The following PSME4 variants were observed in gnomAD, a reference collection of about 807,000 sequenced individuals.
PSME4 encodes proteasome activator subunit 4, also known as proteasome activator complex subunit 4.
Under a neutral mutation model 253.9 loss-of-function variants are expected in PSME4, and 89 were observed. The ratio of observed to expected loss-of-function variants is 0.35; its 90% CI spans 0.30 to 0.42. The LOEUF is 0.42. Ranked by LOEUF, PSME4 falls within the 10% of genes least tolerant of loss-of-function variation. The probability of loss-of-function intolerance (pLI) is 1.00; values close to 1 mark genes in which losing one functional copy is unlikely to be tolerated. For missense variants in PSME4, 2,014 were observed against 2,195.2 expected (o/e 0.92, Z 1.65); for synonymous variants, 851 against 759.2 (o/e 1.12, Z -1.99).
rs1668245428 is a variant in PSME4 at position 53,920,353 on chromosome 2, A to T, written c.2263-3T>A. On this transcript the variant is annotated splice_polypyrimidine_tract_variant and splice_region_variant and intron_variant, in intron 18 of 46. Transcript: ENST00000404125. ...AAGTCCCCGGGTTTGCCCCAGTCCT[A>T]GAAGAGAACAGCATCTACTCAGCAA... is the stretch of plus-strand genomic sequence containing the variant. 1 of 1,607,338 alleles carries T rather than the reference A, an allele frequency of 6.2e-7. No individual in the cohort carries two copies. The highest frequency in any genetic ancestry group is 8.5e-7 in the Non-Finnish European group (1 of 1,176,800).
intron 9 of PSME4, 37 bp downstream of exon 9, chr2:53,932,621 TATCTTTAAAA>T: frequency 6.8e-7 from 1 of 1,464,174 alleles, no homozygotes; most frequent in Non-Finnish European, 9.6e-7. Flanking sequence ...AGGATGACCA[TATCTTTAAAA>T]ATTCCAAGCC....
chr2:53,912,328 GACATATCTGGGTAGTAT>G (rs1270343477), intron 20 of PSME4, among the ~76,000 whole-genome samples: 4 of 152,074 alleles, frequency 2.6e-5, no homozygotes, highest in Non-Finnish European at 5.9e-5. Context: ...CTATATATAG[GACATATCTGGGTAGTAT>G]ACATTACAGC....
chr2:53,875,902 C>G (rs1679093106), intron 41 of PSME4, 147 bp from the exon 42 acceptor site: 2 of 646,008 alleles, frequency 3.1e-6, no homozygotes. Flanking sequence ...ATAATGAACC[C>G]CCATGAGCCA....
At position 53,890,123 on chromosome 2, in the gene PSME4, G is replaced by C. The variant is rs771064727; in HGVS notation, c.4277C>G (p.Ala1426Gly). 5.6e-6 allele frequency: 9 copies of C among 1,613,072 alleles called. No individual in the cohort carries two copies. Among genetic ancestry groups the C allele is most frequent in the African/African-American group, 1.3e-5 (1 of 74,886 alleles). The stretch of plus-strand genomic sequence containing the variant: ...ACTTACACAGGATGTTGCTATACAA[G>C]CTCCCCAGTCATTATAAGTTTCTAC... The part of the protein sequence containing the change: ...ITVETYNDWG[A>G]CIATSCESRD... The change falls in exon 37 of 47, where the codon GCT (alanine) becomes GGT (glycine). Residue 1426 changes from alanine (A) to glycine (G), a missense_variant. Coordinates refer to ENST00000404125, the MANE Select transcript of PSME4 (RefSeq NM_014614.3).
chr2:53,880,244 C>T (rs1041971413), intron 41 of PSME4, among the ~76,000 whole-genome samples: 2 of 152,028 alleles, frequency 1.3e-5, no homozygotes, highest in Non-Finnish European at 2.9e-5. Context: ...GCACTTGAAG[C>T]CAGGAGTTTG....
chr2:53,949,159 A>G lies in PSME4; in HGVS notation c.367T>C (p.Leu123=), dbSNP rs768478677. The G allele has an allele frequency of 1.2e-5, 19 of 1,601,096 alleles. No homozygotes were observed. In the African/African-American group the frequency reaches 1.9e-4, roughly 16 times the overall value. Residue 123 remains leucine (L), a synonymous_variant, in exon 2 of 47, where the codon TTG becomes CTG. Transcript: ENST00000404125. The stretch of plus-strand genomic sequence containing the variant: ...AAGACTTACTTTAACAAGTTGATCA[A>G]AAGGCGGGCAAATCCCTGCATCATG... The part of the protein sequence containing the change: ...ISMMQGFARL[L]INLLKKKELL...
Position 53,920,080 on chromosome 2 carries a change from G to A in PSME4, c.2420+113C>T, listed in dbSNP as rs557070442. On this transcript the variant is annotated intron_variant, in intron 19 of 46. Coordinates refer to ENST00000404125, the MANE Select transcript of PSME4 (RefSeq NM_014614.3). Reference sequence around the variant, plus strand: ...AAATGATTTTCTAAGTACATGTATAGCAGATTTTCAAAACACAATTGAAAA... The same window carrying A: ...AAATGATTTTCTAAGTACATGTATAACAGATTTTCAAAACACAATTGAAAA... The A allele has an allele frequency of 4.4e-5, 40 of 912,220 alleles. No individual in the cohort carries two copies. The East Asian group carries it at 8.9e-4, about 20-fold the overall frequency. 56.5% of individuals were successfully genotyped at this position (912,220 alleles called of 1,614,324 possible).
At position 53,892,935 on chromosome 2, in the gene PSME4, G is replaced by A; in HGVS notation, c.4064C>T (p.Ala1355Val). Residue 1355 changes from alanine (A) to valine (V), a missense_variant, in exon 36 of 47, where the codon GCC (alanine) becomes GTC (valine). Coordinates refer to ENST00000404125, the MANE Select transcript of PSME4 (RefSeq NM_014614.3). Reference sequence around the variant, plus strand: ...ATGGGGCTTCAGAACTGGCAGGAAGGCATCATCAAAATTCCTGAATATACC... The same window carrying A: ...ATGGGGCTTCAGAACTGGCAGGAAGACATCATCAAAATTCCTGAATATACC... Reference protein sequence around the residue: ...FKGIFRNFDDAFLPVLKPHLE... With the variant: ...FKGIFRNFDDVFLPVLKPHLE... The A allele has an allele frequency of 6.2e-7, 1 of 1,613,118 alleles. No homozygotes were observed. The highest frequency in any genetic ancestry group is 8.5e-7 in the Non-Finnish European group (1 of 1,179,652).
chr2:53,868,742 C>A (rs1297808823), intron 44 of PSME4, among the ~76,000 whole-genome samples: 1 of 150,818 alleles, frequency 6.6e-6, no homozygotes, highest in Non-Finnish European at 1.5e-5. Flanking sequence ...TTAAGCACTT[C>A]CTCTAAATTC....
rs960658618 is a variant in PSME4, at chr2:53,920,414, T to C, written c.2263-64A>G. The C allele has an allele frequency of 2.2e-5, 31 of 1,414,580 alleles. No homozygotes were observed. In the African/African-American group the frequency reaches 2.3e-4, roughly 11 times the overall value. 87.6% of individuals were successfully genotyped at this position (1,414,580 alleles called of 1,614,324 possible). ...TAAAAACAACAACAACAAACCCACA[T>C]ACATATACACAATTTTTAAAATTTA... On this transcript the variant is annotated intron_variant, in intron 18 of 46. Coordinates refer to ENST00000404125, the MANE Select transcript of PSME4 (RefSeq NM_014614.3).
intron 38 of PSME4, 113 bp downstream of exon 38, chr2:53,888,608 G>C: frequency 6.0e-6 from 4 of 668,874 alleles, no homozygotes; most frequent in Non-Finnish European, 9.9e-6. Flanking sequence ...CCTTCCAGAA[G>C]AAAGTAATTA....
intron 1 of PSME4, among the ~76,000 whole-genome samples, chr2:53,955,006 C>T (rs190623619): frequency 7.2e-4 from 109 of 151,586 alleles, no homozygotes; most frequent in Non-Finnish European, 1.3e-3. Context: ...AAGGAGACCC[C>T]GTCTCTATAA....
At position 53,898,374 on chromosome 2, in the gene PSME4, T is replaced by C; in HGVS notation, c.3423-20A>G. On this transcript the variant is annotated intron_variant, in intron 29 of 46. Transcript: ENST00000404125. ...TAGTTCCTTTAAAAAAAAGGTGAGGTATTATTTTACTATAATACTAAAATG... is the reference window on the plus strand; with the variant it reads ...TAGTTCCTTTAAAAAAAAGGTGAGGCATTATTTTACTATAATACTAAAATG... The C allele has an allele frequency of 6.4e-7, 1 of 1,561,368 alleles. No homozygotes were observed. Among genetic ancestry groups the C allele is most frequent in the South Asian group, 1.2e-5 (1 of 84,598 alleles).
chr2:53,897,937 A>G lies in PSME4; in HGVS notation c.3539T>C (p.Val1180Ala), dbSNP rs752431450. 6.2e-7 allele frequency: 1 copy of G among 1,613,284 alleles called. No individual in the cohort carries two copies. The highest frequency in any genetic ancestry group is 1.1e-5 in the South Asian group (1 of 91,058). ...AAACCGTATGGCACGAAGAGGCAACACTCGGTCATCTCTCAGCAGTAGAGA... is the reference window on the plus strand; with the variant it reads ...AAACCGTATGGCACGAAGAGGCAACGCTCGGTCATCTCTCAGCAGTAGAGA... ...LLSLLLRDDR[V>A]LPLRAIRFFV... Residue 1180 changes from valine to alanine, a missense_variant, in exon 31 of 47, where the codon GTG becomes GCG. Around this residue, in one of 4 missense-constraint regions of PSME4, gnomAD observed 989 missense variants for 1,021.1 expected, o/e 0.97. Coordinates refer to ENST00000404125, the MANE Select transcript of PSME4 (RefSeq NM_014614.3).
intron 1 of PSME4, among the ~76,000 whole-genome samples, chr2:53,960,611 G>A (rs1670446281): frequency 6.6e-6 from 1 of 152,168 alleles, no homozygotes; most frequent in Admixed American, 6.5e-5. Context: ...CTACAACTCT[G>A]TTAAGAACTC....
chr2:53,901,564 A>G lies in PSME4; in HGVS notation c.3076-5T>C. 6.3e-7 allele frequency: 1 copy of G among 1,594,920 alleles called. No individual in the cohort carries two copies. Among genetic ancestry groups the G allele is most frequent in the Non-Finnish European group, 8.6e-7 (1 of 1,166,190 alleles). On this transcript the variant is annotated splice_region_variant and splice_polypyrimidine_tract_variant and intron_variant, in intron 27 of 46. Transcript: ENST00000404125. ...AAGGAGACAGTACAAGGCACCCTGC[A>G]GAAAAAAAAATATATATATGTTTAC...
intron 4 of PSME4, among the ~76,000 whole-genome samples, chr2:53,939,499 G>A (rs994085339): frequency 9.9e-5 from 15 of 152,154 alleles, no homozygotes; most frequent in African/African-American, 3.6e-4. Flanking sequence ...GCCAAGGTGG[G>A]AGGACTGCTT....
chr2:53,928,955 C>A (rs1668692066), intron 10 of PSME4, among the ~76,000 whole-genome samples: 1 of 152,088 alleles, frequency 6.6e-6, no homozygotes, highest in African/African-American at 2.4e-5. Context: ...CACCTAAGGT[C>A]AGGAGTTTGA....
At chr2:53,920,486 C>G (rs1668262408) in intron 18 of PSME4, 136 bp from the exon 19 acceptor site, 1 of 894,886 alleles carries the variant, frequency 1.1e-6, no homozygotes, top group Non-Finnish European at 1.6e-6. Flanking sequence ...AAATGATATA[C>G]AAAAAAGTAG....
Sources: allele counts gnomAD v4.1 joint callset (sites outside exome capture counted in the v4.1 genomes callset), GRCh38; gene constraint gnomAD v4.1.1; regional missense constraint gnomAD v4.1.1; transcripts MANE v1.5; gene names NCBI Gene and HGNC (gene_info 2026-07-23, HGNC 2026-07-21).